DAB2IP: variants seen among roughly 807,000 people sequenced by gnomAD.
DAB2IP encodes the protein disabled homolog 2-interacting protein.
A neutral mutation model predicts 107.2 loss-of-function variants in DAB2IP; 28 were observed. That is an observed-to-expected ratio of 0.26 (90% CI 0.19 to 0.36). The LOEUF (loss-of-function observed/expected upper bound fraction) is 0.36. Among genes scored for constraint, DAB2IP ranks in the 10% least tolerant of loss-of-function variants. The pLI, the probability that DAB2IP is intolerant of heterozygous loss-of-function variation, is 1.00. For synonymous variants in DAB2IP, 755 were observed against 706.4 expected (o/e 1.07, Z -1.09); for missense variants, 1,400 against 1,644.7 (o/e 0.85, Z 2.57).
chr9:121,621,984 C>CT (rs1202929145), intron 1 of DAB2IP, among the ~76,000 whole-genome samples: 2,636 of 99,632 alleles, frequency 0.026, 168 homozygotes, highest in African/African-American at 0.073. Context: ...TTTTTTCTTT[C>CT]TTTTTTTTTT....
intron 3 of DAB2IP, among the ~76,000 whole-genome samples, chr9:121,715,351 CTT>C (rs768480637): frequency 1.5e-4 from 19 of 129,550 alleles, no homozygotes; most frequent in Admixed American, 1.5e-4. Context: ...TTCTTTCTTT[CTT>C]TTTTTTTTTT....
chr9:121,690,573 TG>T (rs1324255543), intron 2 of DAB2IP, among the ~76,000 whole-genome samples: 1 of 152,202 alleles, frequency 6.6e-6, no homozygotes, highest in African/African-American at 2.4e-5. Flanking sequence ...CTGGCTGCTC[TG>T]GGTTGTCACA....
chr9:121,675,893 A>C (rs1332883132), intron 1 of DAB2IP, among the ~76,000 whole-genome samples: 2 of 152,232 alleles, frequency 1.3e-5, no homozygotes, highest in African/African-American at 4.8e-5. Context: ...ACAGGAAAGC[A>C]TGGGAAGAAT....
At chr9:121,718,866 T>C (rs771062861) in intron 3 of DAB2IP, among the ~76,000 whole-genome samples, 1 of 152,184 alleles carries the variant, frequency 6.6e-6, no homozygotes, top group Non-Finnish European at 1.5e-5. Context: ...CCTAGCTCCT[T>C]CTGCTTAAAG....
intron 1 of DAB2IP, among the ~76,000 whole-genome samples, chr9:121,585,476 G>A (rs79271624): frequency 0.025 from 3,864 of 152,300 alleles, 186 homozygotes; most frequent in African/African-American, 0.088. Flanking sequence ...AGGGCTGCAC[G>A]AGGGTTTGTT....
chr9:121,774,476 G>C (rs1835042775), intron 13 of DAB2IP, 64 bp downstream of exon 13: 38 of 1,500,760 alleles, frequency 2.5e-5, no homozygotes, highest in Non-Finnish European at 3.3e-5. Flanking sequence ...GCTGGTAGGA[G>C]TCTCTCCCCC....
intron 2 of DAB2IP, among the ~76,000 whole-genome samples, chr9:121,683,993 A>G (rs529240693): frequency 1.3e-5 from 2 of 152,092 alleles, no homozygotes; most frequent in Non-Finnish European, 2.9e-5. Flanking sequence ...CCTGCAGGAT[A>G]CAAGAACCAC....
chr9:121,784,775 G>C (rs927275390), exon 16 of DAB2IP: 2 of 153,388 alleles, frequency 1.3e-5, no homozygotes, highest in Non-Finnish European at 1.5e-5. Flanking sequence ...TGGTGTCTGC[G>C]GGGGGTGTCT....
chr9:121,614,593 C>A (rs1348713755), intron 1 of DAB2IP, among the ~76,000 whole-genome samples: 1 of 152,098 alleles, frequency 6.6e-6, no homozygotes, highest in African/African-American at 2.4e-5. Context: ...CCTGCCTCAG[C>A]CTCCCAAAGT....
chr9:121,681,542 G>A (rs1310361570), intron 2 of DAB2IP, among the ~76,000 whole-genome samples: 2 of 152,068 alleles, frequency 1.3e-5, no homozygotes, highest in Non-Finnish European at 2.9e-5. Context: ...CAAGGTGGTC[G>A]TTTTGCCCAC....
chr9:121,588,592 G>A (rs1357871745), intron 1 of DAB2IP, among the ~76,000 whole-genome samples: 1 of 121,496 alleles, frequency 8.2e-6, no homozygotes, highest in East Asian at 2.7e-4. Context: ...AAGGGAAGGG[G>A]GAAGGGGGAA....
intron 2 of DAB2IP, among the ~76,000 whole-genome samples, chr9:121,691,365 AG>A (rs1829151465): frequency 6.6e-6 from 1 of 152,034 alleles, no homozygotes; most frequent in African/African-American, 2.4e-5. Context: ...AGGTACCTGA[AG>A]GGTGTGGAGA....
chr9:121,777,977 T>A (rs1835322922), intron 14 of DAB2IP, among the ~76,000 whole-genome samples: 1 of 152,250 alleles, frequency 6.6e-6, no homozygotes, highest in Non-Finnish European at 1.5e-5. Context: ...GGTATAGCTT[T>A]TTTTATCCTC....
intron 3 of DAB2IP, among the ~76,000 whole-genome samples, chr9:121,711,443 A>G (rs1255491937): frequency 6.6e-6 from 1 of 152,224 alleles, no homozygotes; most frequent in Non-Finnish European, 1.5e-5. Context: ...AAAGGCCCTG[A>G]GAGGTCCTGC....
chr9:121,758,350 G>A (rs76088451), intron 4 of DAB2IP, among the ~76,000 whole-genome samples: 3,932 of 152,246 alleles, frequency 0.026, 179 homozygotes, highest in African/African-American at 0.09. Flanking sequence ...GACAGTCCGA[G>A]TCTCATTTCT....
chr9:121,782,907 C>T lies in DAB2IP; in HGVS notation c.*409C>T, dbSNP rs956785395. ...GGGGGATTCAAGGGCTAGGGGCCTA[C>T]ACCTGTGGCTTCCCCTCGCCTCCTT... On this transcript the variant is annotated 3_prime_UTR_variant, in exon 16 of 16. Transcript: ENST00000408936. The surrounding 1 kb of genome is among the most constrained non-coding windows in gnomAD (Gnocchi z 6.1). The T allele has an allele frequency of 1.6e-5, 17 of 1,036,326 alleles. No individual in the cohort carries two copies. The South Asian group carries it at 5.5e-4, about 33-fold the overall frequency. The allele number at this position is 1,036,326 out of a possible 1,614,324, so 64.2% of individuals were successfully genotyped here. A position where few individuals can be genotyped will look rare whatever the true frequency, so the allele number is the denominator to read the frequency against.
intron 3 of DAB2IP, among the ~76,000 whole-genome samples, chr9:121,717,504 G>A (rs190322103): frequency 2.6e-5 from 4 of 152,326 alleles, no homozygotes; most frequent in East Asian, 3.9e-4. Flanking sequence ...AGATTCACTC[G>A]GGTCACACAC....
intron 1 of DAB2IP, among the ~76,000 whole-genome samples, chr9:121,609,481 G>T (rs570397579): frequency 2.0e-5 from 3 of 152,186 alleles, no homozygotes; most frequent in African/African-American, 7.2e-5. Flanking sequence ...CCCCCATTCG[G>T]CTCCCAACTT....
intron 3 of DAB2IP, among the ~76,000 whole-genome samples, chr9:121,746,529 G>A (rs1832732128): frequency 6.6e-6 from 1 of 152,158 alleles, no homozygotes; most frequent in Non-Finnish European, 1.5e-5. Flanking sequence ...AAGGATGAGG[G>A]AAGGAGGCCA....
Sources: gnomAD v4.1 joint callset for allele counts (sites outside exome capture counted in the v4.1 genomes callset) on GRCh38, gnomAD v4.1.1 for gene constraint, Gnocchi (gnomAD v3.1) non-coding constraint, MANE v1.5 for transcripts, NCBI Gene and HGNC (gene_info 2026-07-23, HGNC 2026-07-21) for gene names.